The following HECW1 variants were observed in gnomAD, a reference collection of about 807,000 sequenced individuals.
HECW1 encodes E3 ubiquitin-protein ligase HECW1.
Under a neutral mutation model 182.3 loss-of-function variants are expected in HECW1, and 61 were observed. That is an observed-to-expected ratio of 0.33 (90% CI 0.27 to 0.41). The LOEUF is 0.41. Ranked by LOEUF, HECW1 falls within the 10% of genes least tolerant of loss-of-function variation. The probability of loss-of-function intolerance (pLI) is 1.00; values close to 1 mark genes in which losing one functional copy is unlikely to be tolerated. For missense variants in HECW1, 1,739 were observed against 2,108.9 expected (o/e 0.82, Z 3.44); for synonymous variants, 859 against 832.6 (o/e 1.03, Z -0.55).
chr7:43,507,938 C>A (rs1585125413), intron 22 of HECW1, 80 bp from the exon 23 acceptor site: 3 of 954,686 alleles, frequency 3.1e-6, no homozygotes, highest in Non-Finnish European at 1.7e-6. Context: ...AGAACCTAAA[C>A]CTGGACTCAC....
chr7:43,457,784 A>C (rs565915822), intron 13 of HECW1, among the ~76,000 whole-genome samples: 36 of 152,126 alleles, frequency 2.4e-4, no homozygotes, highest in Non-Finnish European at 3.8e-4. Context: ...CAAAAAAAAA[A>C]AAACAAACAA....
At chr7:43,167,050 A>G (rs771081309) in intron 2 of HECW1, among the ~76,000 whole-genome samples, 2 of 152,206 alleles carry the variant, frequency 1.3e-5, no homozygotes, top group Admixed American at 6.5e-5. Context: ...GAGATAGTGG[A>G]TTCACTTCCC....
At chr7:43,463,848 G>A in intron 14 of HECW1, 49 bp downstream of exon 14, 1 of 1,596,608 alleles carries the variant, frequency 6.3e-7, no homozygotes. Flanking sequence ...CAGGGGCTGT[G>A]TGACAGAGGG....
At chr7:43,449,078 T>G (rs185100278) in intron 11 of HECW1, among the ~76,000 whole-genome samples, 229 of 152,336 alleles carry the variant, frequency 1.5e-3, no homozygotes, top group Non-Finnish European at 2.2e-3. Flanking sequence ...TTCCACTAGC[T>G]TGGAGGAGTA....
At chr7:43,152,714 G>T (rs928413614) in intron 2 of HECW1, among the ~76,000 whole-genome samples, 5 of 152,058 alleles carry the variant, frequency 3.3e-5, no homozygotes, top group African/African-American at 1.2e-4. Context: ...TTGGCTCTGT[G>T]GTCACATTTA....
intron 2 of HECW1, among the ~76,000 whole-genome samples, chr7:43,130,638 A>G (rs1786809806): frequency 6.6e-6 from 1 of 152,230 alleles, no homozygotes; most frequent in Non-Finnish European, 1.5e-5. Context: ...CCAGGTAACT[A>G]AGCAACACAG....
intron 6 of HECW1, among the ~76,000 whole-genome samples, chr7:43,378,850 G>A (rs554292238): frequency 6.6e-6 from 1 of 152,106 alleles, no homozygotes; most frequent in South Asian, 2.1e-4. Flanking sequence ...TCAGGCAAGG[G>A]CAGAGCAGCA....
chr7:43,139,237 A>G (rs1222981147), intron 2 of HECW1, among the ~76,000 whole-genome samples: 2 of 152,234 alleles, frequency 1.3e-5, no homozygotes, highest in African/African-American at 4.8e-5. Context: ...TTGTTCTTCA[A>G]AGAATATCTT....
At chr7:43,181,849 G>A (rs1792891166) in intron 2 of HECW1, among the ~76,000 whole-genome samples, 1 of 150,640 alleles carries the variant, frequency 6.6e-6, no homozygotes, top group Admixed American at 6.6e-5. Flanking sequence ...GTGCAGTGGT[G>A]CGATCTCCAC....
rs1347453912 is a variant in HECW1 at position 43,114,163 on chromosome 7, A to G, written c.-260A>G. ...CCCCCTTCTCTTTGAAAAGATATCA[A>G]TGCTATGTTCAGCAGAAACGGATAC... On this transcript the variant is annotated 5_prime_UTR_variant, in exon 2 of 30. It removes an upstream start codon present in the reference 5' UTR. Coordinates refer to ENST00000395891, the MANE Select transcript of HECW1 (RefSeq NM_015052.5). 3.8e-6 allele frequency: 4 copies of G among 1,060,724 alleles called. No individual in the cohort carries two copies. Among genetic ancestry groups the G allele is most frequent in the Non-Finnish European group, 5.0e-6 (4 of 793,614 alleles). The allele number at this position is 1,060,724 out of a possible 1,614,324, so 65.7% of individuals were successfully genotyped here.
chr7:43,355,465 C>T (rs948626049), intron 5 of HECW1, among the ~76,000 whole-genome samples: 1 of 151,804 alleles, frequency 6.6e-6, no homozygotes, highest in East Asian at 1.9e-4. Context: ...ATTATAGAGG[C>T]TTTTTTTTAA....
intron 17 of HECW1, among the ~76,000 whole-genome samples, chr7:43,485,467 A>G (rs189722547): frequency 2.0e-5 from 3 of 152,304 alleles, no homozygotes; most frequent in East Asian, 3.9e-4. Context: ...CATTCTGAAA[A>G]TGTTGTTGTT....
At chr7:43,150,740 C>T (rs1253563417) in intron 2 of HECW1, among the ~76,000 whole-genome samples, 1 of 152,212 alleles carries the variant, frequency 6.6e-6, no homozygotes, top group Admixed American at 6.5e-5. Context: ...CTTTGTGATC[C>T]TCCGCCCAGT....
chr7:43,306,692 T>C (rs911433852), intron 3 of HECW1, among the ~76,000 whole-genome samples: 1 of 152,172 alleles, frequency 6.6e-6, no homozygotes, highest in Non-Finnish European at 1.5e-5. Context: ...GAGATGGCAC[T>C]CACTCACGGC....
chr7:43,390,127 T>C (rs1303332888), intron 6 of HECW1, among the ~76,000 whole-genome samples: 1 of 152,158 alleles, frequency 6.6e-6, no homozygotes, highest in African/African-American at 2.4e-5. Flanking sequence ...CCCTCTCTTT[T>C]TCCTCGTAGT....
At chr7:43,161,229 G>C (rs982485245) in intron 2 of HECW1, among the ~76,000 whole-genome samples, 1 of 151,986 alleles carries the variant, frequency 6.6e-6, no homozygotes, top group Non-Finnish European at 1.5e-5. Context: ...TCTATGACAT[G>C]GTTTTTGAGA....
intron 6 of HECW1, among the ~76,000 whole-genome samples, chr7:43,366,228 G>T (rs1816640126): frequency 6.6e-6 from 1 of 151,952 alleles, no homozygotes; most frequent in South Asian, 2.1e-4. Context: ...AAAAAAAAAG[G>T]CAACTCAATA....
intron 26 of HECW1, 65 bp downstream of exon 26, chr7:43,542,063 A>T: frequency 6.8e-6 from 9 of 1,332,174 alleles, no homozygotes; most frequent in African/African-American, 1.5e-5. Context: ...CACATAACAT[A>T]AAGTTATCAT....
chr7:43,319,851 G>T (rs1809870068), intron 4 of HECW1, among the ~76,000 whole-genome samples: 1 of 144,876 alleles, frequency 6.9e-6, no homozygotes, highest in Non-Finnish European at 1.5e-5. Context: ...GACCTCAGGT[G>T]ATCTTCCCAC....
Sources: gnomAD v4.1 joint callset for allele counts (sites outside exome capture counted in the v4.1 genomes callset) on GRCh38, gnomAD v4.1.1 for gene constraint, MANE v1.5 for transcripts, NCBI Gene and HGNC (gene_info 2026-07-23, HGNC 2026-07-21) for gene names.